Variants in FAM227B observed in about 807,000 individuals in gnomAD.
FAM227B encodes the protein protein FAM227B.
FAM227B carries 88 observed loss-of-function variants against 73.8 expected under a neutral mutation model. That is an observed-to-expected ratio of 1.19 (90% CI 1.00 to 1.42). The LOEUF (loss-of-function observed/expected upper bound fraction) is 1.42. Among genes scored for constraint, FAM227B ranks in the 40% most tolerant of loss-of-function variants. The pLI, the probability that FAM227B is intolerant of heterozygous loss-of-function variation, is 0.00. For missense variants in FAM227B, 632 were observed against 590.9 expected, an observed-to-expected ratio of 1.07 and a Z score of -0.72; for synonymous variants, 210 against 190.5, an observed-to-expected ratio of 1.10 and a Z score of -0.84.
At position 49,367,558 on chromosome 15, in the gene FAM227B, A is replaced by G. The variant is rs771777388; in HGVS notation, c.1161T>C (p.Phe387=). The change falls in exon 13 of 16, where the codon TTT becomes TTC. Residue 387 remains phenylalanine (F), a synonymous_variant. Transcript: ENST00000299338. ...GPEFNRVLFN[F]GGQSPLILYY... ...ATAAAATCAATGGACTCTGACCTCCAAAATTGAAGAGAACACGATTAAACT... is the reference window on the plus strand; with the variant it reads ...ATAAAATCAATGGACTCTGACCTCCGAAATTGAAGAGAACACGATTAAACT... 6 of 1,604,440 alleles carry G rather than the reference A, an allele frequency of 3.7e-6. No homozygotes were observed. The South Asian group carries it at 6.8e-5, about 18-fold the overall frequency.
At chr15:49,576,877 A>G (rs1374967991) in intron 6 of FAM227B, 32 bp from the exon 7 acceptor site, 3 of 1,301,924 alleles carry the variant, frequency 2.3e-6, no homozygotes, top group South Asian at 2.5e-5. Flanking sequence ...AGGAGAGTAA[A>G]TATTTCACTC....
At chr15:49,534,830 A>G (rs1216980634) in intron 10 of FAM227B, among the ~76,000 whole-genome samples, 2 of 151,830 alleles carry the variant, frequency 1.3e-5, no homozygotes, top group African/African-American at 4.8e-5. Flanking sequence ...CTGGAAATCA[A>G]TGTAATCCTG....
chr15:49,343,307 A>G (rs1430688344), intron 13 of FAM227B, among the ~76,000 whole-genome samples: 1 of 152,042 alleles, frequency 6.6e-6, no homozygotes, highest in Admixed American at 6.6e-5. Flanking sequence ...TCTGCTTGGA[A>G]CAGTCTATTG....
intron 13 of FAM227B, chr15:49,366,488 T>G: frequency 8.5e-7 from 1 of 1,173,910 alleles, no homozygotes; most frequent in Non-Finnish European, 1.3e-6. Flanking sequence ...GGAAGTCAGA[T>G]TCATCAAACT....
intron 11 of FAM227B, among the ~76,000 whole-genome samples, chr15:49,505,280 T>C (rs545499545): frequency 1.3e-5 from 2 of 152,246 alleles, no homozygotes; most frequent in South Asian, 4.1e-4. Flanking sequence ...AAAAAAAGCA[T>C]AAGGAACTTT....
intron 10 of FAM227B, among the ~76,000 whole-genome samples, chr15:49,522,766 A>C (rs1183181803): frequency 1.3e-5 from 2 of 152,192 alleles, no homozygotes; most frequent in Admixed American, 1.3e-4. Flanking sequence ...AAAATGAAAG[A>C]AGTCTTTAAG....
intron 11 of FAM227B, among the ~76,000 whole-genome samples, chr15:49,383,538 C>A (rs1330062096): frequency 6.6e-6 from 1 of 151,950 alleles, no homozygotes. Context: ...TGTTTTATTG[C>A]AATGGTCTTA....
At chr15:49,414,305 G>T (rs2049062894) in intron 11 of FAM227B, among the ~76,000 whole-genome samples, 1 of 151,974 alleles carries the variant, frequency 6.6e-6, no homozygotes, top group African/African-American at 2.4e-5. Flanking sequence ...AGAAAGAGAT[G>T]GGGAGATAGG....
chr15:49,508,709 A>G (rs1441816117), intron 10 of FAM227B, among the ~76,000 whole-genome samples: 1 of 152,170 alleles, frequency 6.6e-6, no homozygotes, highest in Non-Finnish European at 1.5e-5. Context: ...TGAGTGTTCA[A>G]TGAGGGTTAT....
At chr15:49,611,656 G>A (rs1227596798) in intron 2 of FAM227B, among the ~76,000 whole-genome samples, 1 of 152,108 alleles carries the variant, frequency 6.6e-6, no homozygotes, top group Non-Finnish European at 1.5e-5. Flanking sequence ...ATTTTAAAAA[G>A]TTAACTAGTT....
intron 10 of FAM227B, among the ~76,000 whole-genome samples, chr15:49,524,104 G>C (rs1386641907): frequency 6.6e-6 from 1 of 152,226 alleles, no homozygotes; most frequent in African/African-American, 2.4e-5. Flanking sequence ...TGCAAAATTT[G>C]CATAAGTAAT....
At chr15:49,474,861 A>G (rs902508899) in intron 11 of FAM227B, among the ~76,000 whole-genome samples, 7 of 152,132 alleles carry the variant, frequency 4.6e-5, no homozygotes, top group Non-Finnish European at 7.4e-5. Context: ...TTTGAAGTGG[A>G]ACAGTTTCAT....
intron 11 of FAM227B, among the ~76,000 whole-genome samples, chr15:49,389,528 G>C (rs1472982323): frequency 6.6e-6 from 1 of 151,734 alleles, no homozygotes; most frequent in Non-Finnish European, 1.5e-5. Context: ...CTACACATTA[G>C]GTAAAATGTA....
chr15:49,389,616 C>A (rs2047083952), intron 11 of FAM227B, among the ~76,000 whole-genome samples: 1 of 151,478 alleles, frequency 6.6e-6, no homozygotes, highest in Admixed American at 6.6e-5. Context: ...AAAAAAAAAC[C>A]ATTGTACCTC....
In FAM227B at chr15:49,329,292, T is replaced by C. The variant is rs944523729; in HGVS notation, c.1420-617A>G. On this transcript the variant is annotated intron_variant, in intron 15 of 15. Transcript: ENST00000299338. ...GCTGGTGATGGCAAATGACTGGCTT[T>C]CTCTTGTGGATGGACTATAGGAAGC... is the stretch of plus-strand genomic sequence containing the variant. 1.7e-5 allele frequency: 17 copies of C among 985,344 alleles called. No homozygotes were observed. In the African/African-American group the frequency reaches 3.0e-4, roughly 17 times the overall value. The allele number at this position is 985,344 out of a possible 1,614,324, so 61.0% of individuals were successfully genotyped here.
At chr15:49,447,844 G>A (rs755078628) in intron 11 of FAM227B, among the ~76,000 whole-genome samples, 1 of 151,648 alleles carries the variant, frequency 6.6e-6, no homozygotes, top group Non-Finnish European at 1.5e-5. Context: ...TTCACAGAAC[G>A]AGAATGAATT....
chr15:49,509,933 C>T (rs2058860217), intron 10 of FAM227B, among the ~76,000 whole-genome samples: 1 of 152,054 alleles, frequency 6.6e-6, no homozygotes, highest in East Asian at 1.9e-4. Flanking sequence ...TTTATACAGA[C>T]ATACAATTTA....
Position 49,620,812 on chromosome 15 carries a change from C to A in FAM227B, c.-185G>T, listed in dbSNP as rs565871006. The A allele has an allele frequency of 6.6e-6, 1 of 152,124 alleles. No individual in the cohort carries two copies. The highest frequency in any genetic ancestry group is 1.5e-5 in the Non-Finnish European group (1 of 68,014). The allele number at this position is 152,124 out of a possible 1,614,324, so 9.4% of individuals were successfully genotyped here. ...TGCGAGGCTTGAGGCGGGTCCCGGA[C>A]GAACGCGGCCCTGCCCCTCGCCGGA... On this transcript the variant is annotated 5_prime_UTR_variant, in exon 1 of 16. Coordinates refer to ENST00000299338, the MANE Select transcript of FAM227B (RefSeq NM_152647.3).
intron 11 of FAM227B, among the ~76,000 whole-genome samples, chr15:49,473,252 A>T (rs2054942469): frequency 7.2e-6 from 1 of 139,458 alleles, no homozygotes; most frequent in Non-Finnish European, 1.7e-5. Context: ...CATTTAATGA[A>T]GTCATGATGA....
Sources: gnomAD v4.1 joint callset for allele counts (sites outside exome capture counted in the v4.1 genomes callset) on GRCh38, gnomAD v4.1.1 for gene constraint, MANE v1.5 for transcripts, NCBI Gene and HGNC (gene_info 2026-07-23, HGNC 2026-07-21) for gene names.